UBE3B: variants seen among roughly 807,000 people sequenced by gnomAD.
UBE3B encodes ubiquitin-protein ligase E3B.
UBE3B carries 80 observed loss-of-function variants against 132.3 expected under a neutral mutation model. The observed-to-expected ratio is 0.60, with a 90% CI of 0.50 to 0.73. The LOEUF (loss-of-function observed/expected upper bound fraction) is 0.73. Ranked by LOEUF, UBE3B falls within the 30% of genes least tolerant of loss-of-function variation. The probability of loss-of-function intolerance (pLI) is 0.00; values close to 1 mark genes in which losing one functional copy is unlikely to be tolerated. For missense variants in UBE3B, 1,196 were observed against 1,362.5 expected (o/e 0.88, Z 1.92); for synonymous variants, 487 against 520.4 (o/e 0.94, Z 0.87).
rs775498000 is a variant in UBE3B at position 109,499,827 on chromosome 12, A to G, written c.1118+17A>G. 6.4e-6 allele frequency: 10 copies of G among 1,550,898 alleles called. No individual in the cohort carries two copies. Among genetic ancestry groups the G allele is most frequent in the African/African-American group, 1.4e-5 (1 of 72,364 alleles). On this transcript the variant is annotated intron_variant, in intron 12 of 27. Transcript: ENST00000342494. ...GGATTATGGGTGAGTCCCAGATGCA[A>G]ATCACTGTCTTTCCTGCCTCTCTCC...
chr12:109,543,573 T>G, the UBE3B span, among the ~76,000 whole-genome samples: 2 of 152,214 alleles, frequency 1.3e-5, no homozygotes, highest in Non-Finnish European at 2.9e-5. Flanking sequence ...GCGTGGTGGC[T>G]CACGCCTGTA....
chr12:109,523,503 G>C (rs1881953787), intron 21 of UBE3B, among the ~76,000 whole-genome samples: 1 of 152,202 alleles, frequency 6.6e-6, no homozygotes, highest in Admixed American at 6.5e-5. Context: ...GTGCCTGGCT[G>C]GCTCCTTTAG....
chr12:109,531,073 T>G (rs1160427617), intron 26 of UBE3B, among the ~76,000 whole-genome samples: 2 of 152,204 alleles, frequency 1.3e-5, no homozygotes, highest in Admixed American at 6.5e-5. Context: ...CAGTATGGAA[T>G]TGTCAACTCT....
intron 25 of UBE3B, 130 bp downstream of exon 25, chr12:109,530,202 G>A: frequency 9.1e-7 from 1 of 1,095,246 alleles, no homozygotes; most frequent in Non-Finnish European, 1.3e-6. Flanking sequence ...CCCTGGACTG[G>A]CTAGACTGCT....
Position 109,534,016 on chromosome 12 carries a change from A to T in UBE3B, c.3015+458A>T, listed in dbSNP as rs1464190609. 3 of 1,295,146 alleles carry T rather than the reference A, an allele frequency of 2.3e-6. No individual in the cohort carries two copies. The African/African-American group carries it at 4.5e-5, about 20-fold the overall frequency. The allele number at this position is 1,295,146 out of a possible 1,614,324, so 80.2% of individuals were successfully genotyped here. A position where few individuals can be genotyped will look rare whatever the true frequency, so the allele number is the denominator to read the frequency against. On this transcript the variant is annotated intron_variant, in intron 27 of 27. Coordinates refer to ENST00000342494, the MANE Select transcript of UBE3B (RefSeq NM_130466.4). The surrounding 1 kb of genome is among the most constrained non-coding windows in gnomAD (Gnocchi z 5.2). ...AAGGAGAAGGAAAGCCTTCAGGGTT[A>T]CGGAGCTCTGTGTGTCTCAAGCCTG...
intron 7 of UBE3B, 68 bp from the exon 8 acceptor site, chr12:109,489,851 C>G: frequency 2.1e-6 from 3 of 1,422,002 alleles, no homozygotes; most frequent in Non-Finnish European, 3.0e-6. Flanking sequence ...GACACAATTT[C>G]CTGTCCCACA....
At chr12:109,508,181 A>G (rs1879920303) in intron 15 of UBE3B, among the ~76,000 whole-genome samples, 1 of 152,250 alleles carries the variant, frequency 6.6e-6, no homozygotes, top group South Asian at 2.1e-4. Context: ...GAATGACAAT[A>G]GCACATACCT....
At chr12:109,501,320 G>A in intron 12 of UBE3B, 51 bp from the exon 13 acceptor site, 1 of 1,608,878 alleles carries the variant, frequency 6.2e-7, no homozygotes, top group Non-Finnish European at 8.5e-7. Context: ...GCTGGCCCTG[G>A]CCCTGCATCA....
chr12:109,534,060 A>G lies in UBE3B; in HGVS notation c.3015+502A>G. 7.7e-7 allele frequency: 1 copy of G among 1,294,578 alleles called. No homozygotes were observed. The highest frequency in any genetic ancestry group is 1.0e-6 in the Non-Finnish European group (1 of 992,752). 80.2% of individuals were successfully genotyped at this position (1,294,578 alleles called of 1,614,324 possible). ...AAGCCTGGCCCACTGTGGGTGCTCA[A>G]ATGAGAGTCCTACTCCCCATAAAAA... On this transcript the variant is annotated intron_variant, in intron 27 of 27. Transcript: ENST00000342494. The surrounding 1 kb of genome is among the most constrained non-coding windows in gnomAD (Gnocchi z 5.2).
chr12:109,543,466 A>G, the UBE3B span, among the ~76,000 whole-genome samples: 1 of 152,144 alleles, frequency 6.6e-6, no homozygotes, highest in Non-Finnish European at 1.5e-5. Context: ...GAAGGAGGTA[A>G]TAGTCCTATT....
rs777440267 is a variant in UBE3B, at chr12:109,501,417, T to G, written c.1165T>G (p.Trp389Gly). The change falls in exon 13 of 28, where the codon TGG becomes GGG. Residue 389 changes from tryptophan to glycine, a missense_variant. Trp to Gly is a radical substitution (Grantham distance 184). Coordinates refer to ENST00000342494, the MANE Select transcript of UBE3B (RefSeq NM_130466.4). ...HLITKQLQFL[W>G]GVPLIRIFFC... ...GATCACCAAACAGCTGCAGTTCTTG[T>G]GGGGGGTGCCTCTGATCCGGATCTT... is the stretch of plus-strand genomic sequence containing the variant. 109 of 1,613,990 alleles carry G rather than the reference T, an allele frequency of 6.8e-5. No individual in the cohort carries two copies. The highest frequency in any genetic ancestry group is 9.3e-6 in the Non-Finnish European group (11 of 1,180,008).
At position 109,521,673 on chromosome 12, in the gene UBE3B, C is replaced by A; in HGVS notation, c.2364+122C>A. On this transcript the variant is annotated intron_variant, in intron 21 of 27. Coordinates refer to ENST00000342494, the MANE Select transcript of UBE3B (RefSeq NM_130466.4). The surrounding 1 kb of genome is among the most constrained non-coding windows in gnomAD (Gnocchi z 4.2). The stretch of plus-strand genomic sequence containing the variant: ...ACTGTCACTAGGATACAAGCGAGGA[C>A]AGGGGCAGGAACCAAGGTTTGTTGT... 1 of 904,154 alleles carries A rather than the reference C, an allele frequency of 1.1e-6. No homozygotes were observed. The highest frequency in any genetic ancestry group is 1.6e-6 in the Non-Finnish European group (1 of 625,830). The allele number at this position is 904,154 out of a possible 1,614,324, so 56.0% of individuals were successfully genotyped here. A position where few individuals can be genotyped will look rare whatever the true frequency, so the allele number is the denominator to read the frequency against.
chr12:109,529,274 T>C (rs1420474225), intron 24 of UBE3B, among the ~76,000 whole-genome samples: 2 of 152,234 alleles, frequency 1.3e-5, no homozygotes, highest in African/African-American at 4.8e-5. Context: ...TTGAGGGCAC[T>C]GTGTTCATCA....
chr12:109,528,421 G>T (rs1434248313), intron 24 of UBE3B: 2 of 985,260 alleles, frequency 2.0e-6, no homozygotes. Flanking sequence ...ATACAGGTTT[G>T]CTGCTGGAAA....
chr12:109,517,093 A>G (rs191928670), intron 19 of UBE3B, among the ~76,000 whole-genome samples: 50 of 152,328 alleles, frequency 3.3e-4, no homozygotes, highest in Non-Finnish European at 6.6e-4. Flanking sequence ...GAGACCCAGC[A>G]GTGTCTTCCT....
intron 9 of UBE3B, among the ~76,000 whole-genome samples, chr12:109,494,251 CTCTT>C (rs1384506045): frequency 6.6e-6 from 1 of 152,182 alleles, no homozygotes; most frequent in African/African-American, 2.4e-5. Flanking sequence ...AGAACTCATA[CTCTT>C]TCTTCTTATT....
chr12:109,501,182 C>T (rs1878937052), intron 12 of UBE3B, among the ~76,000 whole-genome samples, 189 bp from the exon 13 acceptor site: 1 of 152,200 alleles, frequency 6.6e-6, no homozygotes, highest in Non-Finnish European at 1.5e-5. Context: ...AGAGTCAATG[C>T]CCTTGACGTA....
chr12:109,519,188 C>G (rs1881411235), intron 19 of UBE3B, among the ~76,000 whole-genome samples: 1 of 152,200 alleles, frequency 6.6e-6, no homozygotes, highest in Non-Finnish European at 1.5e-5. Context: ...GGCCAGAGAA[C>G]TTCAGTCAAG....
At chr12:109,505,583 A>G (rs1879559613) in intron 14 of UBE3B, among the ~76,000 whole-genome samples, 1 of 152,246 alleles carries the variant, frequency 6.6e-6, no homozygotes, top group Non-Finnish European at 1.5e-5. Context: ...TTGATATAAC[A>G]TGGACAGTTG....
Sources: allele counts gnomAD v4.1 joint callset (sites outside exome capture counted in the v4.1 genomes callset), GRCh38; gene constraint gnomAD v4.1.1; non-coding constraint Gnocchi (gnomAD v3.1); transcripts MANE v1.5; gene names NCBI Gene and HGNC (gene_info 2026-07-23, HGNC 2026-07-21).